Variants in ERC1 observed in about 807,000 individuals in gnomAD.
The protein encoded by ERC1 is ELKS/RAB6-interacting/CAST family member 1, also known as RAB6 interacting protein 2.
ERC1 carries 56 observed loss-of-function variants against 132.0 expected under a neutral mutation model. That is an observed-to-expected ratio of 0.42 (90% CI 0.34 to 0.53). ERC1 has a LOEUF of 0.53. Ranked by LOEUF, ERC1 falls within the 20% of genes least tolerant of loss-of-function variation. ERC1 has a pLI of 0.03. For synonymous variants in ERC1, 478 were observed against 476.1 expected (o/e 1.00, Z -0.05); for missense variants, 1,202 against 1,349.9 (o/e 0.89, Z 1.72).
intron 16 of ERC1, among the ~76,000 whole-genome samples, chr12:1,388,716 A>G (rs2154381642): frequency 6.6e-6 from 1 of 152,322 alleles, no homozygotes; most frequent in Non-Finnish European, 1.5e-5. Context: ...GAGTAAGAAG[A>G]TGGTAAGATT....
At chr12:1,444,517 G>T in intron 17 of ERC1, 45 bp from the exon 18 acceptor site, 1 of 1,409,866 alleles carries the variant, frequency 7.1e-7, no homozygotes, top group South Asian at 1.3e-5. Context: ...GACTGACCTT[G>T]ACTTTCCTCA....
chr12:1,342,613 G>C (rs2084028994), intron 15 of ERC1, among the ~76,000 whole-genome samples: 4 of 152,150 alleles, frequency 2.6e-5, no homozygotes, highest in Admixed American at 2.6e-4. Flanking sequence ...GTATTGTACA[G>C]ACCCTCCTAG....
intron 2 of ERC1, among the ~76,000 whole-genome samples, chr12:1,063,471 A>G (rs1938456083): frequency 6.6e-6 from 1 of 152,122 alleles, no homozygotes; most frequent in South Asian, 2.1e-4. Context: ...CATTTTGGCT[A>G]GGCTGGTCTC....
chr12:1,272,967 A>G (rs2077980129), intron 14 of ERC1, among the ~76,000 whole-genome samples: 1 of 151,730 alleles, frequency 6.6e-6, no homozygotes, highest in Non-Finnish European at 1.5e-5. Flanking sequence ...AAAAAAAAAA[A>G]AAAAACCTTG....
At chr12:1,196,838 C>CTCTCTGTCTGTCTCTCTGTCTG (rs1956301248) in intron 12 of ERC1, among the ~76,000 whole-genome samples, 1 of 99,402 alleles carries the variant, frequency 1.0e-5, no homozygotes, top group Non-Finnish European at 2.1e-5. Context: ...CTCTGTCTGT[C>CTCTCTGTCTGTCTCTCTGTCTG]TCTCTGTCTG....
chr12:1,176,273 G>T (rs1193313096), intron 8 of ERC1, among the ~76,000 whole-genome samples: 1 of 152,200 alleles, frequency 6.6e-6, no homozygotes, highest in Non-Finnish European at 1.5e-5. Context: ...GAGCTCTAGG[G>T]TGACCAGATG....
chr12:1,044,816 G>A (rs1452327047), intron 2 of ERC1, among the ~76,000 whole-genome samples: 1 of 152,110 alleles, frequency 6.6e-6, no homozygotes, highest in Non-Finnish European at 1.5e-5. Flanking sequence ...ATTCCTGTAG[G>A]AGTTATCAGG....
chr12:1,285,056 A>G (rs889930288), intron 14 of ERC1, among the ~76,000 whole-genome samples: 1 of 152,132 alleles, frequency 6.6e-6, no homozygotes, highest in Non-Finnish European at 1.5e-5. Context: ...TCATATTTTA[A>G]TCGAATTTTT....
intron 17 of ERC1, among the ~76,000 whole-genome samples, chr12:1,421,313 G>T (rs1344239078): frequency 2.0e-5 from 3 of 152,178 alleles, no homozygotes; most frequent in Non-Finnish European, 4.4e-5. Context: ...TAGAGAAAGG[G>T]TTTAATTATC....
At chr12:1,295,596 C>T (rs2079856804) in intron 15 of ERC1, among the ~76,000 whole-genome samples, 1 of 151,922 alleles carries the variant, frequency 6.6e-6, no homozygotes, top group Non-Finnish European at 1.5e-5. Flanking sequence ...TGAGATAACA[C>T]AAAAGATAGG....
intron 15 of ERC1, among the ~76,000 whole-genome samples, chr12:1,303,018 TTGTG>T: frequency 6.6e-6 from 1 of 152,232 alleles, no homozygotes; most frequent in South Asian, 2.1e-4. Flanking sequence ...TGCAGTAGCG[TTGTG>T]TCTTAAAAAA....
chr12:1,079,118 T>TA (rs1447910917), intron 2 of ERC1, among the ~76,000 whole-genome samples: 3 of 147,980 alleles, frequency 2.0e-5, no homozygotes, highest in African/African-American at 7.4e-5. Context: ...TATACAGAGA[T>TA]ACATATAGAA....
chr12:1,290,927 G>A (rs1265521160), intron 15 of ERC1, among the ~76,000 whole-genome samples: 3 of 152,056 alleles, frequency 2.0e-5, no homozygotes, highest in Non-Finnish European at 2.9e-5. Flanking sequence ...TCTTTCTCAC[G>A]TGACCCTTGC....
chr12:1,177,541 G>A (rs1219635546), intron 8 of ERC1, among the ~76,000 whole-genome samples: 2 of 152,180 alleles, frequency 1.3e-5, no homozygotes, highest in Non-Finnish European at 2.9e-5. Flanking sequence ...GGAGAGAGAA[G>A]AGGGAATGAT....
At position 1,043,980 on chromosome 12, in the gene ERC1, A is replaced by AT. The variant is rs77692847; in HGVS notation, c.669+15417dup. Among the ~76,000 whole-genome samples, 536 of 151,594 alleles carry AT rather than the reference A, an allele frequency of 3.5e-3. 22 individuals carry two copies. The East Asian group carries it at 0.086, about 24-fold the overall frequency. ...TTTTTCCTTCATACAGCATTATATA[A>AT]TTTTTTTTTGAAACCGTATGTGGGA... On this transcript the variant is annotated intron_variant, in intron 2 of 18. Coordinates refer to ENST00000360905, the MANE Select transcript of ERC1 (RefSeq NM_178040.4).
chr12:1,293,436 G>GCC, intron 15 of ERC1, among the ~76,000 whole-genome samples: 1 of 77,654 alleles, frequency 1.3e-5, no homozygotes, highest in South Asian at 3.6e-4. Context: ...CTGGGCGACA[G>GCC]AGCAAAACTC....
chr12:1,082,362 T>C (rs577533867), intron 2 of ERC1, among the ~76,000 whole-genome samples: 8 of 151,468 alleles, frequency 5.3e-5, no homozygotes, highest in African/African-American at 1.9e-4. Context: ...GGTTTTATCA[T>C]GTTGGCCAGG....
intron 17 of ERC1, among the ~76,000 whole-genome samples, chr12:1,420,916 G>GT (rs1423058719): frequency 2.9e-5 from 1 of 34,432 alleles, no homozygotes; most frequent in Non-Finnish European, 7.0e-5. Context: ...TTTGGTTTTG[G>GT]TTTGGGGGGG....
At chr12:1,484,675 T>C (rs1448528015) in intron 18 of ERC1, among the ~76,000 whole-genome samples, 7 of 150,510 alleles carry the variant, frequency 4.7e-5, no homozygotes, top group Non-Finnish European at 8.8e-5. Context: ...CCTCCCGGGC[T>C]CAAGCAATTC....
Sources: allele counts gnomAD v4.1 joint callset (sites outside exome capture counted in the v4.1 genomes callset), GRCh38; gene constraint gnomAD v4.1.1; transcripts MANE v1.5; gene names NCBI Gene and HGNC (gene_info 2026-07-23, HGNC 2026-07-21).